STK35: variants seen among roughly 807,000 people sequenced by gnomAD.
STK35 encodes the protein serine/threonine kinase 35, also known as serine/threonine-protein kinase 35.
A neutral mutation model predicts 37.3 loss-of-function variants in STK35; 17 were observed. The ratio of observed to expected loss-of-function variants is 0.46; its 90% CI spans 0.31 to 0.68. STK35 has a LOEUF of 0.68. Ranked by LOEUF, STK35 falls within the 30% of genes least tolerant of loss-of-function variation. STK35 has a pLI of 0.05. For missense variants in STK35, 595 were observed against 746.7 expected (o/e 0.80, Z 2.37); for synonymous variants, 385 against 319.1 (o/e 1.21, Z -2.20).
chr20:2,143,224 CT>C (rs1044178742), intron 3 of STK35, among the ~76,000 whole-genome samples: 3 of 152,166 alleles, frequency 2.0e-5, no homozygotes, highest in Non-Finnish European at 2.9e-5. Flanking sequence ...AGCCCTGCCC[CT>C]GGGTGTGGGA....
rs944583472 is a variant in STK35, at chr20:2,143,918, G to A, written c.*172G>A. On this transcript the variant is annotated 3_prime_UTR_variant, in exon 4 of 4. Coordinates refer to ENST00000381482, the MANE Select transcript of STK35 (RefSeq NM_080836.4). ...GTGAAGCTTTTGTTTGGGTTTCCCC[G>A]CTTCTTTTTAGTTTTGCTTTATTTT... 4.6e-6 allele frequency: 2 copies of A among 436,522 alleles called. No individual in the cohort carries two copies. Among genetic ancestry groups the A allele is most frequent in the African/African-American group, 2.1e-5 (1 of 48,276 alleles). 27.0% of individuals were successfully genotyped at this position (436,522 alleles called of 1,614,324 possible).
chr20:2,132,166 A>G lies in STK35; in HGVS notation c.*38-11618A>G, dbSNP rs181121451. Among the ~76,000 whole-genome samples the G allele has an allele frequency of 1.3e-3, 196 of 152,324 alleles. 1 individual carries two copies. The highest frequency in any genetic ancestry group is 4.6e-3 in the African/African-American group (190 of 41,572). On this transcript the variant is annotated intron_variant, in intron 3 of 3. Transcript: ENST00000381482. ...CTCAAAGGCCAGAGCTCCAGTGCTC[A>G]TGATCTCCATCGAGCTACCAAAGAG...
chr20:2,109,638 G>A (rs971821343), intron 2 of STK35, among the ~76,000 whole-genome samples: 5 of 152,318 alleles, frequency 3.3e-5, no homozygotes, highest in South Asian at 2.1e-4. Context: ...CCTTGTGACC[G>A]TGTTGGACAG....
chr20:2,134,117 G>C (rs958042538), intron 3 of STK35, among the ~76,000 whole-genome samples: 1 of 152,066 alleles, frequency 6.6e-6, no homozygotes, highest in African/African-American at 2.4e-5. Flanking sequence ...GTCTCAGGCT[G>C]GGCGTGGTGG....
chr20:2,129,406 T>C (rs1055239528), intron 3 of STK35, among the ~76,000 whole-genome samples: 9 of 152,006 alleles, frequency 5.9e-5, no homozygotes, highest in African/African-American at 2.2e-4. Flanking sequence ...CACACAGGCG[T>C]TGGTTCCTGC....
chr20:2,101,889 A>T lies in STK35; in HGVS notation c.8A>T (p.His3Leu), dbSNP rs1041933186. MG[H>L]QESPLARAPA... ...CGGCTGGCGTCCCGGGGGATGGGCC[A>T]CCAGGAGTCTCCGCTGGCCCGGGCG... Residue 3 changes from histidine to leucine, a missense_variant, in exon 1 of 4, where the codon CAC (histidine) becomes CTC (leucine). His to Leu is a moderately conservative substitution (Grantham distance 99). Transcript: ENST00000381482. The T allele has an allele frequency of 2.8e-6, 4 of 1,440,916 alleles. No individual in the cohort carries two copies. Among genetic ancestry groups the T allele is most frequent in the Non-Finnish European group, 3.7e-6 (4 of 1,092,912 alleles). 89.3% of individuals were successfully genotyped at this position (1,440,916 alleles called of 1,614,324 possible).
At chr20:2,106,461 T>C (rs557033039) in intron 2 of STK35, among the ~76,000 whole-genome samples, 3 of 152,170 alleles carry the variant, frequency 2.0e-5, no homozygotes, top group Non-Finnish European at 4.4e-5. Flanking sequence ...ACACCACCCC[T>C]TGCCCCAATG....
At chr20:2,138,631 T>C (rs902126310) in intron 3 of STK35, among the ~76,000 whole-genome samples, 1 of 152,188 alleles carries the variant, frequency 6.6e-6, no homozygotes, top group Non-Finnish European at 1.5e-5. Context: ...TTTCCTAAGA[T>C]GGTGCAATTT....
intron 3 of STK35, among the ~76,000 whole-genome samples, chr20:2,143,070 C>T (rs569799722): frequency 6.6e-6 from 1 of 152,318 alleles, no homozygotes; most frequent in East Asian, 1.9e-4. Context: ...GACGCAGGTA[C>T]AGGTGATGAG....
chr20:2,148,257 G>C lies in STK35; in HGVS notation c.*4511G>C, dbSNP rs144319112. 1 of 152,672 alleles carries C rather than the reference G, an allele frequency of 6.5e-6. No homozygotes were observed. Among genetic ancestry groups the C allele is most frequent in the Non-Finnish European group, 1.5e-5 (1 of 68,050 alleles). 9.5% of individuals were successfully genotyped at this position (152,672 alleles called of 1,614,324 possible). On this transcript the variant is annotated 3_prime_UTR_variant, in exon 4 of 4. Transcript: ENST00000381482. Reference sequence around the variant, plus strand: ...AAACATTTGTGTGGGACAGACGAGCGTGAGGGAGGTTTTAAGCCAGGCACA... The same window carrying C: ...AAACATTTGTGTGGGACAGACGAGCCTGAGGGAGGTTTTAAGCCAGGCACA...
At chr20:2,130,195 ACT>A (rs942972107) in intron 3 of STK35, among the ~76,000 whole-genome samples, 9 of 151,724 alleles carry the variant, frequency 5.9e-5, no homozygotes, top group Admixed American at 4.6e-4. Context: ...ATGAGACCGT[ACT>A]CTCTCTCCTG....
intron 2 of STK35, among the ~76,000 whole-genome samples, chr20:2,115,867 T>A (rs1985705713): frequency 6.7e-6 from 1 of 149,664 alleles, no homozygotes; most frequent in East Asian, 1.9e-4. Context: ...TCCTGCCCCC[T>A]CTGACACCTT....
chr20:2,134,260 CAAA>C (rs34068371), intron 3 of STK35, among the ~76,000 whole-genome samples: 6 of 119,172 alleles, frequency 5.0e-5, no homozygotes, highest in Admixed American at 8.8e-5. Flanking sequence ...ACTCCGTCTC[CAAA>C]AAAAAAAAAA....
intron 2 of STK35, among the ~76,000 whole-genome samples, chr20:2,107,423 C>T (rs1471484779): frequency 1.3e-5 from 2 of 152,300 alleles, no homozygotes; most frequent in South Asian, 2.1e-4. Flanking sequence ...GGCTGGGAAC[C>T]GAGGCCTTGG....
chr20:2,102,620 C>T (rs1001965103), intron 1 of STK35, 148 bp from the exon 2 acceptor site: 4 of 684,686 alleles, frequency 5.8e-6, no homozygotes, highest in Non-Finnish European at 8.6e-6. Context: ...CCCGCTTTCC[C>T]CTCCCCTCCC....
intron 3 of STK35, among the ~76,000 whole-genome samples, chr20:2,124,568 A>G (rs1985872272): frequency 6.6e-6 from 1 of 152,222 alleles, no homozygotes; most frequent in Non-Finnish European, 1.5e-5. Flanking sequence ...TAATCCAGGC[A>G]GATCCAGAAC....
At chr20:2,118,453 G>A (rs1245023528) in intron 3 of STK35, among the ~76,000 whole-genome samples, 1 of 152,162 alleles carries the variant, frequency 6.6e-6, no homozygotes, top group Non-Finnish European at 1.5e-5. Flanking sequence ...GTGGTGGCGG[G>A]CACTTGTAGT....
At chr20:2,141,963 A>C (rs1301101968) in intron 3 of STK35, among the ~76,000 whole-genome samples, 5 of 152,192 alleles carry the variant, frequency 3.3e-5, no homozygotes, top group Non-Finnish European at 5.9e-5. Context: ...TTTATCTGTT[A>C]AGCTTGGCTT....
chr20:2,102,214 G>A, intron 1 of STK35, 39 bp downstream of exon 1: 1 of 1,364,916 alleles, frequency 7.3e-7, no homozygotes, highest in Non-Finnish European at 9.4e-7. Flanking sequence ...CAGCGCCGAG[G>A]CTGGAGTTAC....
Sources: allele counts gnomAD v4.1 joint callset (sites outside exome capture counted in the v4.1 genomes callset), GRCh38; gene constraint gnomAD v4.1.1; transcripts MANE v1.5; gene names NCBI Gene and HGNC (gene_info 2026-07-23, HGNC 2026-07-21).